NRXN3: variants seen among roughly 807,000 people sequenced by gnomAD.
The protein encoded by NRXN3 is neurexin III.
NRXN3 carries 32 observed loss-of-function variants against 137.6 expected under a neutral mutation model. The observed-to-expected ratio is 0.23, with a 90% CI of 0.18 to 0.31. The LOEUF is 0.31. NRXN3 is among the 10% of genes least tolerant of loss of function. The pLI, the probability that NRXN3 is intolerant of heterozygous loss-of-function variation, is 1.00. For missense variants in NRXN3, 1,574 were observed against 2,062.5 expected (o/e 0.76, Z 4.59); for synonymous variants, 798 against 784.5 (o/e 1.02, Z -0.29).
At position 78,237,638 on chromosome 14, in the gene NRXN3, C is replaced by T. The variant is rs531965202; in HGVS notation, c.-703-4753C>T. 2.6e-5 allele frequency among the ~76,000 whole-genome samples: 4 copies of T among 152,284 alleles called. No individual in the cohort carries two copies. The East Asian group carries it at 7.7e-4, about 29-fold the overall frequency. ...TTCAACTTCAAGTCTGGGTGAGAGA[C>T]CCATCTTGAAACTAATCACTGTGGC... On this transcript the variant is annotated intron_variant, in intron 1 of 20. Coordinates refer to ENST00000335750, the MANE Select transcript of NRXN3 (RefSeq NM_001330195.2).
At chr14:78,487,986 C>T (rs1405519403) in intron 4 of NRXN3, among the ~76,000 whole-genome samples, 3 of 152,072 alleles carry the variant, frequency 2.0e-5, no homozygotes, top group African/African-American at 7.2e-5. Flanking sequence ...ACTTGAACAA[C>T]AGAAATTCAT....
At chr14:78,411,454 C>T (rs1258991540) in intron 4 of NRXN3, among the ~76,000 whole-genome samples, 3 of 152,174 alleles carry the variant, frequency 2.0e-5, no homozygotes, top group Non-Finnish European at 2.9e-5. Flanking sequence ...TCACTTTGGT[C>T]TCTGACCTCA....
At chr14:78,689,309 T>A (rs1602471656) in intron 6 of NRXN3, among the ~76,000 whole-genome samples, 1 of 152,318 alleles carries the variant, frequency 6.6e-6, no homozygotes, top group Non-Finnish European at 1.5e-5. Flanking sequence ...TCAGACTTCA[T>A]TAAATTAACT....
At chr14:78,442,957 G>C (rs1419303009) in intron 4 of NRXN3, among the ~76,000 whole-genome samples, 1 of 152,164 alleles carries the variant, frequency 6.6e-6, no homozygotes, top group Admixed American at 6.5e-5. Flanking sequence ...GGTGGTTGTT[G>C]AGATCCTCAT....
chr14:79,319,669 C>G (rs375368913), intron 15 of NRXN3, among the ~76,000 whole-genome samples: 13 of 152,150 alleles, frequency 8.5e-5, no homozygotes, highest in African/African-American at 3.1e-4. Flanking sequence ...CTTTCCTGGA[C>G]AGATTTTTAT....
At chr14:79,590,116 T>C (rs930872078) in intron 16 of NRXN3, among the ~76,000 whole-genome samples, 4 of 152,164 alleles carry the variant, frequency 2.6e-5, no homozygotes, top group African/African-American at 9.7e-5. Context: ...AGTTTGGCTG[T>C]GTCCCCACTG....
intron 15 of NRXN3, among the ~76,000 whole-genome samples, chr14:79,429,664 C>G (rs2095713707): frequency 6.6e-6 from 1 of 152,190 alleles, no homozygotes; most frequent in Admixed American, 6.5e-5. Context: ...AACTGCCACT[C>G]CAAGCCCTTT....
chr14:79,349,573 C>T (rs1476707747), intron 15 of NRXN3, among the ~76,000 whole-genome samples: 2 of 151,442 alleles, frequency 1.3e-5, no homozygotes, highest in Non-Finnish European at 2.9e-5. Context: ...CACACACACA[C>T]ACACACACAC....
At chr14:78,188,279 G>C (rs1252944555) in intron 1 of NRXN3, among the ~76,000 whole-genome samples, 1 of 152,190 alleles carries the variant, frequency 6.6e-6, no homozygotes, top group African/African-American at 2.4e-5. Flanking sequence ...CAAGTGATTT[G>C]ATCAAGATCC....
At chr14:79,809,043 A>G (rs564984408) in intron 20 of NRXN3, among the ~76,000 whole-genome samples, 3 of 152,318 alleles carry the variant, frequency 2.0e-5, no homozygotes, top group Admixed American at 1.3e-4. Context: ...GTAAATATGT[A>G]GAGAAATTTA....
intron 15 of NRXN3, among the ~76,000 whole-genome samples, chr14:79,222,625 C>T (rs942449997): frequency 3.3e-5 from 5 of 152,080 alleles, no homozygotes; most frequent in African/African-American, 1.2e-4. Flanking sequence ...GTGGCTGTAC[C>T]ATTTTGCATT....
At chr14:79,387,456 G>C (rs1320407827) in intron 15 of NRXN3, among the ~76,000 whole-genome samples, 5 of 151,880 alleles carry the variant, frequency 3.3e-5, no homozygotes, top group African/African-American at 1.2e-4. Flanking sequence ...GGAAACAACA[G>C]ATGCTAGAGA....
intron 10 of NRXN3, among the ~76,000 whole-genome samples, chr14:78,858,178 G>A (rs1054898013): frequency 5.9e-5 from 9 of 152,230 alleles, no homozygotes; most frequent in South Asian, 2.1e-4. Flanking sequence ...GTGACAGGCC[G>A]GTGGTGCTGG....
chr14:78,561,229 T>G (rs2096783723), intron 4 of NRXN3, among the ~76,000 whole-genome samples: 1 of 152,184 alleles, frequency 6.6e-6, no homozygotes, highest in African/African-American at 2.4e-5. Context: ...TAAATGTTCT[T>G]ACCATTTTCA....
Position 79,440,805 on chromosome 14 carries a change from C to T in NRXN3, c.3263-26416C>T, listed in dbSNP as rs76983998. On this transcript the variant is annotated intron_variant, in intron 15 of 20. Coordinates refer to ENST00000335750, the MANE Select transcript of NRXN3 (RefSeq NM_001330195.2). ...TAGGAGTACTCAGTACGATTATTTA[C>T]GGTAATATATTTATTGGGTAAATTA... is the stretch of plus-strand genomic sequence containing the variant. Among the ~76,000 whole-genome samples, 311 of 152,206 alleles carry T rather than the reference C, an allele frequency of 2.0e-3. 5 individuals are homozygous for T. The East Asian group carries it at 0.031, about 15-fold the overall frequency.
rs114992854 is a variant in NRXN3, at chr14:79,796,980, T to C, written c.4015-8132T>C. On this transcript the variant is annotated intron_variant, in intron 19 of 20. Transcript: ENST00000335750. Reference sequence around the variant, plus strand: ...TGGTTTGACTTGGCTTAAATCTCAGTAGTCTATAAAGTCCATGAGGACAAG... The same window carrying C: ...TGGTTTGACTTGGCTTAAATCTCAGCAGTCTATAAAGTCCATGAGGACAAG... Among the ~76,000 whole-genome samples, 174 of 152,258 alleles carry C rather than the reference T, an allele frequency of 1.1e-3. 2 individuals carry two copies. Among genetic ancestry groups the C allele is most frequent in the African/African-American group, 4.1e-3 (169 of 41,558 alleles).
intron 15 of NRXN3, among the ~76,000 whole-genome samples, chr14:79,060,439 T>C (rs1377846728): frequency 6.6e-6 from 1 of 152,192 alleles, no homozygotes; most frequent in Non-Finnish European, 1.5e-5. Flanking sequence ...ACATGGAAAT[T>C]AGCCAAATGT....
chr14:79,280,407 T>C, intron 15 of NRXN3: 5 of 1,614,096 alleles, frequency 3.1e-6, no homozygotes, highest in Non-Finnish European at 3.4e-6. Context: ...TCTTCTAATG[T>C]AGCTTCCTCC....
intron 16 of NRXN3, among the ~76,000 whole-genome samples, chr14:79,613,738 G>C (rs1169715982): frequency 6.6e-6 from 1 of 152,120 alleles, no homozygotes; most frequent in Non-Finnish European, 1.5e-5. Flanking sequence ...TGCCCACCAG[G>C]AGCTAGGCAG....
Sources: allele counts gnomAD v4.1 joint callset (sites outside exome capture counted in the v4.1 genomes callset), GRCh38; gene constraint gnomAD v4.1.1; transcripts MANE v1.5; gene names NCBI Gene and HGNC (gene_info 2026-07-23, HGNC 2026-07-21).